The following KAT7 variants were observed in gnomAD, a reference collection of about 807,000 sequenced individuals.
KAT7 encodes histone acetyltransferase KAT7.
In KAT7, 10 loss-of-function variants were observed where a neutral mutation model predicts 82.1. The ratio of observed to expected loss-of-function variants is 0.12; its 90% CI spans 0.08 to 0.21. The LOEUF (loss-of-function observed/expected upper bound fraction) is 0.21, where lower values mean the gene tolerates loss of function less well. KAT7 is among the 10% of genes least tolerant of loss of function. KAT7 has a pLI of 1.00. For missense variants in KAT7, 378 were observed against 760.9 expected (o/e 0.50, Z 5.92); for synonymous variants, 250 against 262.5 (o/e 0.95, Z 0.46).
intron 12 of KAT7, among the ~76,000 whole-genome samples, chr17:49,824,143 A>G (rs961990837): frequency 1.3e-5 from 2 of 152,234 alleles, no homozygotes; most frequent in African/African-American, 4.8e-5. Flanking sequence ...ATATGTGACC[A>G]GAGGCTTGCA....
intron 7 of KAT7, among the ~76,000 whole-genome samples, chr17:49,814,783 A>G (rs1295517605): frequency 1.3e-5 from 2 of 152,146 alleles, no homozygotes; most frequent in Non-Finnish European, 2.9e-5. Context: ...CTTAGATGAT[A>G]GAGTCCAAAT....
chr17:49,800,246 C>T lies in KAT7; in HGVS notation c.580+1688C>T, dbSNP rs185665240. On this transcript the variant is annotated intron_variant, in intron 4 of 14. Coordinates refer to ENST00000259021, the MANE Select transcript of KAT7 (RefSeq NM_007067.5). ...CAGGATGGTCTCGATCTCCTGACCT[C>T]GTGATCCGCCCGCCTTGGCCTCCCA... Among the ~76,000 whole-genome samples the T allele has an allele frequency of 1.6e-4, 25 of 152,112 alleles. No homozygotes were observed. In the South Asian group the frequency reaches 3.3e-3, roughly 20 times the overall value.
intron 3 of KAT7, 41 bp downstream of exon 3, chr17:49,796,967 C>T: frequency 6.4e-7 from 1 of 1,569,416 alleles, no homozygotes; most frequent in South Asian, 1.1e-5. Context: ...TACAGAGCAT[C>T]TGGGTGAAAT....
chr17:49,795,403 T>C, intron 2 of KAT7: 1 of 246,576 alleles, frequency 4.1e-6, no homozygotes, highest in East Asian at 9.4e-5. Flanking sequence ...CCAGAAGTGC[T>C]GGACATCGGG....
intron 9 of KAT7, among the ~76,000 whole-genome samples, chr17:49,819,902 C>G (rs996129622): frequency 2.0e-5 from 3 of 152,194 alleles, no homozygotes; most frequent in African/African-American, 7.2e-5. Flanking sequence ...TTACATATGA[C>G]AAATTGGAAC....
intron 3 of KAT7, 107 bp downstream of exon 3, chr17:49,797,033 A>G (rs2073965422): frequency 5.1e-6 from 4 of 789,162 alleles, no homozygotes; most frequent in Non-Finnish European, 8.3e-6. Context: ...CTTCAGCTAG[A>G]TGAATGCTGT....
At chr17:49,825,781 G>A (rs1053151802) in intron 12 of KAT7, among the ~76,000 whole-genome samples, 14 of 152,180 alleles carry the variant, frequency 9.2e-5, no homozygotes, top group African/African-American at 3.4e-4. Flanking sequence ...GTGAATAAGA[G>A]GGGACTCCTG....
At chr17:49,800,826 G>A (rs990557447) in intron 4 of KAT7, among the ~76,000 whole-genome samples, 1 of 152,064 alleles carries the variant, frequency 6.6e-6, no homozygotes, top group Admixed American at 6.5e-5. Flanking sequence ...CTGAGGGTAG[G>A]ATATTGTGTG....
At chr17:49,802,297 G>C (rs1386580258) in intron 4 of KAT7, among the ~76,000 whole-genome samples, 1 of 152,140 alleles carries the variant, frequency 6.6e-6, no homozygotes, top group East Asian at 1.9e-4. Flanking sequence ...TAGATCAGCT[G>C]TTCCTTTTTT....
At chr17:49,795,424 A>G (rs2073943554) in intron 2 of KAT7, 3 of 253,436 alleles carry the variant, frequency 1.2e-5, no homozygotes, top group Non-Finnish European at 2.5e-5. Flanking sequence ...CAGCATCTAT[A>G]TCACCTTGAA....
intron 9 of KAT7, 52 bp downstream of exon 9, chr17:49,818,063 G>T (rs778845734): frequency 2.2e-5 from 33 of 1,477,636 alleles, no homozygotes; most frequent in Non-Finnish European, 2.8e-5. Flanking sequence ...TAAGCTGTAG[G>T]ATCTCTAGAT....
intron 7 of KAT7, chr17:49,815,115 C>T (rs2074218357): frequency 6.6e-6 from 1 of 152,190 alleles, no homozygotes; most frequent in Admixed American, 6.5e-5. Flanking sequence ...TATTCTCATG[C>T]TTTTAATTTT....
At position 49,827,731 on chromosome 17, in the gene KAT7, A is replaced by C. The variant is rs976713043; in HGVS notation, c.*229A>C. ...GTTGCCTGGATGGGATCTGTATTAG[A>C]CTTGAGTGCAGGTCTCTCAGCACTG... On this transcript the variant is annotated 3_prime_UTR_variant, in exon 15 of 15. Transcript: ENST00000259021. 1 of 561,494 alleles carries C rather than the reference A, an allele frequency of 1.8e-6. No individual in the cohort carries two copies. Among genetic ancestry groups the C allele is most frequent in the Non-Finnish European group, 3.2e-6 (1 of 314,214 alleles). The allele number at this position is 561,494 out of a possible 1,614,324, so 34.8% of individuals were successfully genotyped here.
chr17:49,817,754 T>G (rs1341556067), intron 8 of KAT7, 66 bp from the exon 9 acceptor site: 1 of 1,327,632 alleles, frequency 7.5e-7, no homozygotes, highest in African/African-American at 1.5e-5. Flanking sequence ...GGAGCCACTG[T>G]GCCCTGTCTA....
intron 7 of KAT7, chr17:49,814,987 G>A (rs531750495): frequency 2.6e-5 from 4 of 152,304 alleles, no homozygotes; most frequent in African/African-American, 9.6e-5. Flanking sequence ...CTACAACAGA[G>A]TGGGAAGGGC....
chr17:49,803,368 G>A (rs1003090826), intron 4 of KAT7, among the ~76,000 whole-genome samples: 1 of 151,940 alleles, frequency 6.6e-6, no homozygotes, highest in Non-Finnish European at 1.5e-5. Context: ...AAAGTGCTAG[G>A]ATTACAGGTG....
intron 3 of KAT7, among the ~76,000 whole-genome samples, chr17:49,797,250 A>T (rs1176053796): frequency 6.6e-6 from 1 of 152,038 alleles, no homozygotes; most frequent in East Asian, 1.9e-4. Context: ...TTTTTAGTAG[A>T]GACGGGGTTT....
chr17:49,822,231 A>AT (rs772844129), intron 11 of KAT7, among the ~76,000 whole-genome samples: 405 of 144,176 alleles, frequency 2.8e-3, no homozygotes, highest in Middle Eastern at 0.011. Flanking sequence ...CCAAGGCCAG[A>AT]TTTTTTTTTT....
rs759605902 is a variant in KAT7, at chr17:49,817,978, T to C, written c.1122T>C (p.Tyr374=). 1.7e-5 allele frequency: 28 copies of C among 1,613,824 alleles called. No homozygotes were observed. Among genetic ancestry groups the C allele is most frequent in the Non-Finnish European group, 2.3e-5 (27 of 1,179,844 alleles). ...RLYMCEFCLK[Y]MKSQTILRRH... ...ATATGTGTGAATTCTGTTTAAAATA[T>C]ATGAAGAGCCAAACGATACTCCGCC... Residue 374 remains tyrosine, a synonymous_variant, in exon 9 of 15, where the codon TAT becomes TAC. Coordinates refer to ENST00000259021, the MANE Select transcript of KAT7 (RefSeq NM_007067.5).
Sources: gnomAD v4.1 joint callset for allele counts (sites outside exome capture counted in the v4.1 genomes callset) on GRCh38, gnomAD v4.1.1 for gene constraint, MANE v1.5 for transcripts, NCBI Gene and HGNC (gene_info 2026-07-23, HGNC 2026-07-21) for gene names.